The following GNAI3 variants were observed in gnomAD, a reference collection of about 807,000 sequenced individuals.
The protein encoded by GNAI3 is guanine nucleotide-binding protein G(i) subunit alpha-3.
In GNAI3, 12 loss-of-function variants were observed where a neutral mutation model predicts 41.8. The observed-to-expected ratio is 0.29, with a 90% CI of 0.18 to 0.47. The LOEUF is 0.47. GNAI3 is among the 20% of genes least tolerant of loss of function. The pLI is 1.00. For missense variants in GNAI3, 360 were observed against 429.6 expected (o/e 0.84, Z 1.43); for synonymous variants, 132 against 146.5 (o/e 0.90, Z 0.71).
At chr1:109,553,330 G>C (rs150734061) in intron 1 of GNAI3, among the ~76,000 whole-genome samples, 10 of 141,990 alleles carry the variant, frequency 7.0e-5, no homozygotes, top group African/African-American at 2.2e-4. Context: ...CCTTTAGCAG[G>C]TTCTGAGAAA....
intron 1 of GNAI3, among the ~76,000 whole-genome samples, chr1:109,572,316 T>C (rs1252575164): frequency 6.6e-6 from 1 of 151,960 alleles, no homozygotes. Context: ...TCTCAAATAA[T>C]AATAATAATA....
At chr1:109,570,067 G>A (rs1421618944) in intron 1 of GNAI3, among the ~76,000 whole-genome samples, 2 of 152,102 alleles carry the variant, frequency 1.3e-5, no homozygotes, top group Admixed American at 6.6e-5. Context: ...GTATGCATTT[G>A]TATTTTCTTC....
intron 1 of GNAI3, among the ~76,000 whole-genome samples, chr1:109,556,157 T>A (rs1648146483): frequency 1.3e-5 from 2 of 151,790 alleles, no homozygotes; most frequent in South Asian, 4.1e-4. Flanking sequence ...GCTCAAACGA[T>A]CCTCCCATCT....
chr1:109,581,908 A>AAACAT (rs1218378023), intron 4 of GNAI3, among the ~76,000 whole-genome samples: 1 of 151,856 alleles, frequency 6.6e-6, no homozygotes, highest in Non-Finnish European at 1.5e-5. Flanking sequence ...AAACAAAACA[A>AAACAT]AACAAAACAA....
chr1:109,579,167 GA>G, intron 3 of GNAI3, 36 bp from the exon 4 acceptor site: 1 of 1,542,692 alleles, frequency 6.5e-7, no homozygotes, highest in Non-Finnish European at 8.9e-7. Context: ...TAAAGAAATG[GA>G]GAGTCATCTG....
At position 109,586,093 on chromosome 1, in the gene GNAI3, T is replaced by G. The variant is rs537469480; in HGVS notation, c.591-123T>G. The G allele has an allele frequency of 2.1e-5, 15 of 713,166 alleles. No individual in the cohort carries two copies. In the East Asian group the frequency reaches 3.5e-4, roughly 17 times the overall value. The allele number at this position is 713,166 out of a possible 1,614,324, so 44.2% of individuals were successfully genotyped here. On this transcript the variant is annotated intron_variant, in intron 5 of 8. Transcript: ENST00000369851. ...ATTATTTTGACTGCATTTAATCTAT[T>G]CTTTTTCTTCTATTATAAATGAAGT...
intron 1 of GNAI3, among the ~76,000 whole-genome samples, chr1:109,560,582 A>AGAGT (rs1648284146): frequency 6.6e-6 from 1 of 152,148 alleles, no homozygotes; most frequent in African/African-American, 2.4e-5. Flanking sequence ...AAAATTTGAC[A>AGAGT]GAGTGAGATC....
chr1:109,557,749 G>A (rs1310889407), intron 1 of GNAI3, among the ~76,000 whole-genome samples: 3 of 152,048 alleles, frequency 2.0e-5, no homozygotes, highest in African/African-American at 7.2e-5. Flanking sequence ...CAGGCTCCCA[G>A]GATCCCATTC....
At chr1:109,549,513 T>G (rs550438362) in intron 1 of GNAI3, among the ~76,000 whole-genome samples, 1 of 152,356 alleles carries the variant, frequency 6.6e-6, no homozygotes, top group Admixed American at 6.5e-5. Flanking sequence ...TTCAAAGTTT[T>G]ATAACGTCTT....
intron 1 of GNAI3, among the ~76,000 whole-genome samples, chr1:109,555,553 C>T (rs1383368736): frequency 6.6e-6 from 1 of 152,056 alleles, no homozygotes; most frequent in East Asian, 1.9e-4. Context: ...GTAATTTTCC[C>T]TGACTACGCT....
chr1:109,570,902 G>C (rs1365406258), intron 1 of GNAI3, among the ~76,000 whole-genome samples: 2 of 152,174 alleles, frequency 1.3e-5, no homozygotes, highest in African/African-American at 4.8e-5. Context: ...ACTGGCTTTA[G>C]AAAAGGCAAG....
intron 1 of GNAI3, among the ~76,000 whole-genome samples, chr1:109,570,557 G>A (rs1648566697): frequency 6.6e-6 from 1 of 152,198 alleles, no homozygotes; most frequent in Admixed American, 6.5e-5. Context: ...CGGGGTGGGA[G>A]CTATTTAGAT....
intron 7 of GNAI3, among the ~76,000 whole-genome samples, chr1:109,589,333 C>T (rs1275823989): frequency 2.0e-5 from 3 of 152,110 alleles, no homozygotes; most frequent in Non-Finnish European, 2.9e-5. Context: ...GAAAAAGAGC[C>T]TTTGGAGTTA....
At chr1:109,584,386 A>C (rs1648984392) in intron 5 of GNAI3, among the ~76,000 whole-genome samples, 1 of 152,236 alleles carries the variant, frequency 6.6e-6, no homozygotes. Context: ...ATTTCTTTGT[A>C]TAAGGTTTGT....
At chr1:109,561,521 T>G (rs1234857934) in intron 1 of GNAI3, among the ~76,000 whole-genome samples, 1 of 152,222 alleles carries the variant, frequency 6.6e-6, no homozygotes. Context: ...ACCATTGCAT[T>G]TAGTCAAGGC....
At chr1:109,584,626 AACT>A (rs1160165185) in intron 5 of GNAI3, among the ~76,000 whole-genome samples, 4 of 152,194 alleles carry the variant, frequency 2.6e-5, no homozygotes, top group African/African-American at 9.7e-5. Context: ...CTCTAGGCAA[AACT>A]ACTATCCATT....
intron 1 of GNAI3, among the ~76,000 whole-genome samples, chr1:109,561,242 T>C (rs779571675): frequency 6.6e-6 from 1 of 152,222 alleles, no homozygotes; most frequent in Non-Finnish European, 1.5e-5. Flanking sequence ...AGTAGTTCTT[T>C]CAACTTTTTC....
rs370794449 is a variant in GNAI3 at position 109,599,005 on chromosome 1, G to C, written c.*6683G>C. 9 of 533,612 alleles carry C rather than the reference G, an allele frequency of 1.7e-5. No homozygotes were observed. The highest frequency in any genetic ancestry group is 3.8e-5 in the African/African-American group (2 of 51,950). 33.1% of individuals were successfully genotyped at this position (533,612 alleles called of 1,614,324 possible). On this transcript the variant is annotated 3_prime_UTR_variant, in exon 9 of 9. Coordinates refer to ENST00000369851, the MANE Select transcript of GNAI3 (RefSeq NM_006496.4). The stretch of plus-strand genomic sequence containing the variant: ...TCTACGGCACATCTCCAAGTATAGA[G>C]TGGGTTTTGAATGCTGTTATGTCTC...
chr1:109,550,137 T>A (rs1321301481), intron 1 of GNAI3, among the ~76,000 whole-genome samples: 2 of 152,152 alleles, frequency 1.3e-5, no homozygotes, highest in Non-Finnish European at 2.9e-5. Context: ...AATGCTAAAT[T>A]TTCATGGTAT....
Sources: allele counts gnomAD v4.1 joint callset (sites outside exome capture counted in the v4.1 genomes callset), GRCh38; gene constraint gnomAD v4.1.1; transcripts MANE v1.5; gene names NCBI Gene and HGNC (gene_info 2026-07-23, HGNC 2026-07-21).